The following ZGPAT variants were observed in gnomAD, a reference collection of about 807,000 sequenced individuals.
ZGPAT encodes zinc finger CCCH-type with G patch domain-containing protein.
In ZGPAT, 39 loss-of-function variants were observed where a neutral mutation model predicts 47.9. That is an observed-to-expected ratio of 0.81 (90% CI 0.63 to 1.06). The LOEUF (loss-of-function observed/expected upper bound fraction) is 1.06, where lower values mean the gene tolerates loss of function less well. ZGPAT is among the 50% of genes least tolerant of loss of function. ZGPAT has a pLI of 0.00. For missense variants in ZGPAT, 717 were observed against 681.4 expected (o/e 1.05, Z -0.58); for synonymous variants, 348 against 292.9 (o/e 1.19, Z -1.92).
intron 2 of ZGPAT, among the ~76,000 whole-genome samples, chr20:63,709,936 C>T (rs1388274413): frequency 6.6e-6 from 1 of 152,112 alleles, no homozygotes; most frequent in Non-Finnish European, 1.5e-5. Context: ...TCTCGGCTCA[C>T]TGCAAGCTCC....
chr20:63,708,590 G>A lies in ZGPAT; in HGVS notation c.10G>A (p.Glu4Lys), dbSNP rs145783963. The stretch of plus-strand genomic sequence containing the variant: ...GCCTCCCTCTCTCAGCATGGACGAG[G>A]AGAGCCTGGAGTCGGCCTTGCAGAC... MDEESLESALQTYR... is the reference protein window; with the variant it reads MDEKSLESALQTYR... Residue 4 changes from glutamate (E) to lysine (K), a missense_variant, in exon 2 of 7, where the codon GAG becomes AAG. Transcript: ENST00000355969. 2.8e-4 allele frequency: 445 copies of A among 1,599,396 alleles called. 1 individual carries two copies. Among genetic ancestry groups the A allele is most frequent in the Middle Eastern group, 2.2e-3 (13 of 5,936 alleles).
intron 2 of ZGPAT, among the ~76,000 whole-genome samples, chr20:63,725,617 C>T (rs1263589662): frequency 6.6e-6 from 1 of 151,792 alleles, no homozygotes; most frequent in Non-Finnish European, 1.5e-5. Flanking sequence ...CTTCAGTAAG[C>T]CTCTTAGATT....
chr20:63,719,423 A>G (rs892184172), intron 2 of ZGPAT, among the ~76,000 whole-genome samples: 1 of 152,204 alleles, frequency 6.6e-6, no homozygotes, highest in Non-Finnish European at 1.5e-5. Context: ...TTCATGGTGT[A>G]GCACAGGTCC....
At chr20:63,733,509 C>T in intron 3 of ZGPAT, 78 bp from the exon 4 acceptor site, 2 of 1,611,090 alleles carry the variant, frequency 1.2e-6, no homozygotes, top group Non-Finnish European at 1.7e-6. Context: ...CCCTGCCTTG[C>T]TCCTCATGTC....
chr20:63,710,194 C>A (rs1298428994), intron 2 of ZGPAT, among the ~76,000 whole-genome samples: 1 of 144,186 alleles, frequency 6.9e-6, no homozygotes, highest in Admixed American at 7.1e-5. Context: ...ACTCTCCTCA[C>A]CCAGGCTGGA....
intron 6 of ZGPAT, 70 bp from the exon 7 acceptor site, chr20:63,735,711 A>C (rs1161739558): frequency 6.5e-7 from 1 of 1,545,304 alleles, no homozygotes; most frequent in Non-Finnish European, 8.7e-7. Context: ...GCACACAGGC[A>C]GTGGGTACGG....
At chr20:63,717,327 CTTTTCTTTTTTTT>C (rs1683834571) in intron 2 of ZGPAT, among the ~76,000 whole-genome samples, 1 of 93,476 alleles carries the variant, frequency 1.1e-5, no homozygotes, top group African/African-American at 4.0e-5. Flanking sequence ...TCTCTTTTTT[CTTTTCTTTTTTTT>C]TTTTTTTTTT....
chr20:63,733,023 C>CCTGAGTGTGTGCATGTGTGT (rs2091937078), intron 2 of ZGPAT, among the ~76,000 whole-genome samples, 196 bp from the exon 3 acceptor site: 1 of 148,238 alleles, frequency 6.7e-6, no homozygotes, highest in Non-Finnish European at 1.5e-5. Context: ...TGTATGTGTG[C>CCTGAGTGTGTGCATGTGTGT]GTGAGTGTGT....
At chr20:63,711,965 T>C (rs1568785481) in intron 2 of ZGPAT, among the ~76,000 whole-genome samples, 1 of 152,230 alleles carries the variant, frequency 6.6e-6, no homozygotes, top group African/African-American at 2.4e-5. Flanking sequence ...GTTTGGGTTG[T>C]CTTTTCACTT....
chr20:63,710,036 A>G (rs1568783720), intron 2 of ZGPAT, among the ~76,000 whole-genome samples: 1 of 151,546 alleles, frequency 6.6e-6, no homozygotes, highest in African/African-American at 2.4e-5. Context: ...AATTTTCTGT[A>G]TTTTTAGTAG....
chr20:63,724,473 G>A (rs1601332484), intron 2 of ZGPAT, among the ~76,000 whole-genome samples: 1 of 151,962 alleles, frequency 6.6e-6, no homozygotes, highest in Non-Finnish European at 1.5e-5. Flanking sequence ...CTTGAGGCCA[G>A]GAGTTCAACA....
At chr20:63,723,425 C>G (rs921032790) in intron 2 of ZGPAT, among the ~76,000 whole-genome samples, 2 of 146,674 alleles carry the variant, frequency 1.4e-5, no homozygotes, top group Non-Finnish European at 3.0e-5. Flanking sequence ...TATGACACAG[C>G]TCCATCCTCC....
chr20:63,721,284 G>A (rs1239029882), intron 2 of ZGPAT, among the ~76,000 whole-genome samples: 4 of 151,854 alleles, frequency 2.6e-5, no homozygotes, highest in African/African-American at 4.8e-5. Context: ...CCCAGGGGGC[G>A]GAGGTTGCAG....
At chr20:63,729,035 T>C (rs1267162450) in intron 2 of ZGPAT, among the ~76,000 whole-genome samples, 1 of 128,152 alleles carries the variant, frequency 7.8e-6, no homozygotes, top group East Asian at 2.0e-4. Context: ...TCTTTTTTTC[T>C]TTTTTTTTTT....
intron 1 of ZGPAT, 94 bp from the exon 2 acceptor site, chr20:63,708,459 C>A: frequency 1.1e-6 from 1 of 902,028 alleles, no homozygotes; most frequent in Non-Finnish European, 1.7e-6. Flanking sequence ...CGGTGTCTCC[C>A]CGAGGGAAAG....
At chr20:63,732,469 G>A (rs967755815) in intron 2 of ZGPAT, among the ~76,000 whole-genome samples, 2 of 148,110 alleles carry the variant, frequency 1.4e-5, no homozygotes, top group African/African-American at 5.0e-5. Context: ...GTGTGCGCAT[G>A]TGTGTGGGTG....
chr20:63,733,055 C>CAT (rs1568801052), intron 2 of ZGPAT, among the ~76,000 whole-genome samples, 164 bp from the exon 3 acceptor site: 2 of 151,216 alleles, frequency 1.3e-5, no homozygotes, highest in Non-Finnish European at 3.0e-5. Context: ...TGTATGTGTG[C>CAT]GTGTGTATGT....
chr20:63,730,970 C>CTCTCTGTGTGTG, intron 2 of ZGPAT, among the ~76,000 whole-genome samples: 1 of 115,200 alleles, frequency 8.7e-6, no homozygotes, highest in South Asian at 2.6e-4. Flanking sequence ...CTCTCTCTCT[C>CTCTCTGTGTGTG]TGTGTGTGTG....
At chr20:63,722,786 C>A (rs2091801650) in intron 2 of ZGPAT, among the ~76,000 whole-genome samples, 1 of 152,082 alleles carries the variant, frequency 6.6e-6, no homozygotes, top group Non-Finnish European at 1.5e-5. Flanking sequence ...GCACCCCCAC[C>A]ACACCCGGCT....
Sources: gnomAD v4.1 joint callset for allele counts (sites outside exome capture counted in the v4.1 genomes callset) on GRCh38, gnomAD v4.1.1 for gene constraint, MANE v1.5 for transcripts, NCBI Gene and HGNC (gene_info 2026-07-23, HGNC 2026-07-21) for gene names.